Variants in ILRUN observed in about 807,000 individuals in gnomAD.
The protein encoded by ILRUN is protein ILRUN.
In ILRUN, 3 loss-of-function variants were observed where a neutral mutation model predicts 33.8. The observed-to-expected ratio is 0.09, with a 90% confidence interval of 0.04 to 0.23. The LOEUF (loss-of-function observed/expected upper bound fraction) is 0.23, where lower values mean the gene tolerates loss of function less well. Among genes scored for constraint, ILRUN ranks in the 10% least tolerant of loss-of-function variants. The pLI, the probability that ILRUN is intolerant of heterozygous loss-of-function variation, is 1.00. For missense variants in ILRUN, 210 were observed against 375.1 expected, an observed-to-expected ratio of 0.56 and a Z score of 3.64; for synonymous variants, 124 against 138.9, an observed-to-expected ratio of 0.89 and a Z score of 0.75.
At chr6:34,689,873 ATGG>A (rs1374692682) in intron 1 of ILRUN, among the ~76,000 whole-genome samples, 1 of 151,914 alleles carries the variant, frequency 6.6e-6, no homozygotes, top group African/African-American at 2.4e-5. Flanking sequence ...TGTTCCATCC[ATGG>A]TGGATGCAAG....
intron 3 of ILRUN, among the ~76,000 whole-genome samples, chr6:34,607,665 G>C (rs1294624026): frequency 6.6e-6 from 1 of 152,104 alleles, no homozygotes; most frequent in East Asian, 1.9e-4. Context: ...CTAGATAGTA[G>C]AGCCTACTAC....
intron 3 of ILRUN, among the ~76,000 whole-genome samples, chr6:34,639,593 C>G (rs997114678): frequency 1.3e-5 from 2 of 152,046 alleles, no homozygotes; most frequent in African/African-American, 4.8e-5. Context: ...AAACTGACAC[C>G]CAACTACCTA....
At chr6:34,686,287 T>C (rs1164505149) in intron 1 of ILRUN, among the ~76,000 whole-genome samples, 1 of 151,768 alleles carries the variant, frequency 6.6e-6, no homozygotes, top group African/African-American at 2.4e-5. Context: ...GATCATGAGG[T>C]CAGGAGATCG....
intron 3 of ILRUN, among the ~76,000 whole-genome samples, chr6:34,613,769 T>C (rs1218292717): frequency 1.3e-5 from 2 of 152,236 alleles, no homozygotes; most frequent in Non-Finnish European, 2.9e-5. Context: ...CAAAAGTTGG[T>C]GTGCATACAT....
rs1045005395 is a variant in ILRUN, at chr6:34,592,902, G to A, written c.862-2302C>T. Among the ~76,000 whole-genome samples the A allele has an allele frequency of 2.6e-5, 4 of 152,156 alleles. No homozygotes were observed. Among genetic ancestry groups the A allele is most frequent in the African/African-American group, 9.7e-5 (4 of 41,414 alleles). On this transcript the variant is annotated intron_variant, in intron 4 of 4. Coordinates refer to ENST00000374023, the MANE Select transcript of ILRUN (RefSeq NM_024294.4). This position sits in a 1 kb window ranked among gnomAD's most constrained non-coding sequence, Gnocchi z 4.0. ...GCAAAAAGAAAACCTTGCTAGGTAC[G>A]GTCGCTTATGTCTATAATCCCAGCA...
chr6:34,653,955 A>T (rs1415468782), intron 2 of ILRUN, among the ~76,000 whole-genome samples: 1 of 133,270 alleles, frequency 7.5e-6, no homozygotes, highest in African/African-American at 3.0e-5. Context: ...TGGGCAACAG[A>T]GCGAGATGCT....
chr6:34,599,838 C>T (rs1561996282), intron 4 of ILRUN, among the ~76,000 whole-genome samples: 1 of 152,252 alleles, frequency 6.6e-6, no homozygotes, highest in Non-Finnish European at 1.5e-5. Context: ...TCTACTGCAT[C>T]CTTTCCCCTA....
chr6:34,691,199 A>C (rs1018016982), intron 1 of ILRUN, among the ~76,000 whole-genome samples: 4 of 152,100 alleles, frequency 2.6e-5, no homozygotes, highest in Middle Eastern at 3.2e-3. Context: ...AAACTAAAGA[A>C]TCTCTTAAGT....
At chr6:34,613,318 A>C (rs530989290) in intron 3 of ILRUN, among the ~76,000 whole-genome samples, 50 of 152,344 alleles carry the variant, frequency 3.3e-4, no homozygotes, top group Non-Finnish European at 7.2e-4. Flanking sequence ...TTTAAGTTGG[A>C]GCTCACATCC....
intron 3 of ILRUN, among the ~76,000 whole-genome samples, chr6:34,624,861 T>TA (rs1174664770): frequency 1.3e-5 from 2 of 152,344 alleles, no homozygotes; most frequent in South Asian, 2.1e-4. Context: ...GGTAACTAGT[T>TA]ACTCTTGGTG....
At chr6:34,617,021 A>T (rs546561484) in intron 3 of ILRUN, 1 of 535,728 alleles carries the variant, frequency 1.9e-6, no homozygotes, top group Admixed American at 2.0e-5. Context: ...AGTTGCTCTG[A>T]CAGACAACAC....
At chr6:34,663,152 C>T (rs548376388) in intron 1 of ILRUN, among the ~76,000 whole-genome samples, 15 of 152,102 alleles carry the variant, frequency 9.9e-5, no homozygotes, top group African/African-American at 2.7e-4. Flanking sequence ...AGGACCATGA[C>T]GGCTCATGCC....
intron 3 of ILRUN, among the ~76,000 whole-genome samples, chr6:34,611,464 C>T (rs1387338739): frequency 1.3e-5 from 2 of 152,170 alleles, no homozygotes; most frequent in African/African-American, 4.8e-5. Flanking sequence ...CAGCAAAATA[C>T]AACTTCTACG....
intron 1 of ILRUN, among the ~76,000 whole-genome samples, chr6:34,688,770 G>A (rs1186238565): frequency 6.6e-6 from 1 of 152,028 alleles, no homozygotes; most frequent in Non-Finnish European, 1.5e-5. Context: ...CCGAGATCAC[G>A]CCACTGTACT....
In ILRUN at chr6:34,696,610, G is replaced by A. The variant is rs746455812; in HGVS notation, c.-7C>T. The A allele has an allele frequency of 3.1e-6, 5 of 1,597,602 alleles. No individual in the cohort carries two copies. The highest frequency in any genetic ancestry group is 4.3e-6 in the Non-Finnish European group (5 of 1,174,678). On this transcript the variant is annotated 5_prime_UTR_variant, in exon 1 of 5. Transcript: ENST00000374023. ...CTACGTCCATGCCCTCCATGGCGGGGACCGGACACCCGCTTCCCCGCCTCT... is the reference window on the plus strand; with the variant it reads ...CTACGTCCATGCCCTCCATGGCGGGAACCGGACACCCGCTTCCCCGCCTCT...
intron 1 of ILRUN, among the ~76,000 whole-genome samples, chr6:34,676,784 C>T (rs1293423316): frequency 1.3e-5 from 2 of 151,970 alleles, no homozygotes; most frequent in Non-Finnish European, 2.9e-5. Context: ...AAACAAGTAA[C>T]ACCTTTTATC....
intron 1 of ILRUN, among the ~76,000 whole-genome samples, chr6:34,665,852 A>G (rs1762985317): frequency 6.6e-6 from 1 of 152,136 alleles, no homozygotes; most frequent in African/African-American, 2.4e-5. Flanking sequence ...ACTTTTGCAT[A>G]CACTTTTGAT....
intron 1 of ILRUN, among the ~76,000 whole-genome samples, chr6:34,685,057 G>A (rs1391348276): frequency 1.3e-5 from 2 of 152,198 alleles, no homozygotes; most frequent in Non-Finnish European, 2.9e-5. Flanking sequence ...GCCACTTGTA[G>A]AAAACCGATT....
chr6:34,658,490 CTTT>C (rs71538252), intron 1 of ILRUN, among the ~76,000 whole-genome samples: 5 of 130,886 alleles, frequency 3.8e-5, no homozygotes, highest in Admixed American at 1.6e-4. Flanking sequence ...TTTTCTTTTT[CTTT>C]TTTTTTTTTT....
Sources: gnomAD v4.1 joint callset for allele counts (sites outside exome capture counted in the v4.1 genomes callset) on GRCh38, gnomAD v4.1.1 for gene constraint, Gnocchi (gnomAD v3.1) non-coding constraint, MANE v1.5 for transcripts, NCBI Gene and HGNC (gene_info 2026-07-23, HGNC 2026-07-21) for gene names.